CPS1: variants seen among roughly 807,000 people sequenced by gnomAD.
CPS1 encodes the protein carbamoyl-phosphate synthase 1.
Under a neutral mutation model 174.6 loss-of-function variants are expected in CPS1, and 109 were observed. The ratio of observed to expected loss-of-function variants is 0.62; its 90% CI spans 0.53 to 0.73. CPS1 has a LOEUF of 0.73. Among genes scored for constraint, CPS1 ranks in the 30% least tolerant of loss-of-function variants. The pLI, the probability that CPS1 is intolerant of heterozygous loss-of-function variation, is 0.00. For missense variants in CPS1, 1,689 were observed against 1,821.9 expected (o/e 0.93, Z 1.33); for synonymous variants, 637 against 632.0 (o/e 1.01, Z -0.12).
intron 4 of CPS1, among the ~76,000 whole-genome samples, chr2:210,577,765 G>A (rs1697763117): frequency 6.6e-6 from 1 of 151,580 alleles, no homozygotes; most frequent in Non-Finnish European, 1.5e-5. Context: ...TGGGAAGGGA[G>A]GGGTAAGATA....
chr2:210,523,077 A>G (rs1248319168), intron 1 of CPS1, among the ~76,000 whole-genome samples: 1 of 152,020 alleles, frequency 6.6e-6, no homozygotes, highest in East Asian at 1.9e-4. Context: ...CCTGGCCCTA[A>G]CACTAACTAG....
chr2:210,652,319 A>G (rs533540562), intron 28 of CPS1, among the ~76,000 whole-genome samples: 2 of 152,282 alleles, frequency 1.3e-5, no homozygotes, highest in African/African-American at 4.8e-5. Flanking sequence ...TTTTAGTCAT[A>G]TTTTTTATTT....
chr2:210,524,309 C>T (rs1026525968), intron 1 of CPS1, among the ~76,000 whole-genome samples: 19 of 151,874 alleles, frequency 1.3e-4, no homozygotes, highest in Non-Finnish European at 2.8e-4. Flanking sequence ...TGATATCTAG[C>T]TAGTGTAACC....
chr2:210,664,493 C>T (rs4673542), intron 33 of CPS1, among the ~76,000 whole-genome samples: 85,228 of 151,796 alleles, frequency 0.56, 25,606 homozygotes, highest in South Asian at 0.66. Context: ...GCATGCACCA[C>T]CACGCCCGGC....
chr2:210,629,561 CGCCT>C (rs1699800642), intron 21 of CPS1, among the ~76,000 whole-genome samples: 1 of 151,444 alleles, frequency 6.6e-6, no homozygotes, highest in Non-Finnish European at 1.5e-5. Flanking sequence ...GTGATCCGCC[CGCCT>C]CGGCCTCTCA....
intron 1 of CPS1, among the ~76,000 whole-genome samples, chr2:210,527,316 C>T (rs961388137): frequency 6.6e-6 from 1 of 151,852 alleles, no homozygotes; most frequent in South Asian, 2.1e-4. Flanking sequence ...CTGCAGGACT[C>T]CCATAAGATG....
At chr2:210,661,768 T>A (rs1207929739) in intron 32 of CPS1, among the ~76,000 whole-genome samples, 8 of 152,110 alleles carry the variant, frequency 5.3e-5, no homozygotes, top group African/African-American at 1.9e-4. Flanking sequence ...TGAAAAATAT[T>A]TTTTTCCACT....
intron 24 of CPS1, among the ~76,000 whole-genome samples, chr2:210,640,778 A>C (rs1204038946): frequency 6.6e-6 from 1 of 152,226 alleles, no homozygotes; most frequent in Non-Finnish European, 1.5e-5. Flanking sequence ...TTTAGTTTTT[A>C]CAATGAACTA....
intron 21 of CPS1, among the ~76,000 whole-genome samples, chr2:210,629,264 C>A (rs1011469002): frequency 6.6e-6 from 1 of 152,084 alleles, no homozygotes; most frequent in East Asian, 1.9e-4. Context: ...GGACTTAACC[C>A]GTTAATCCAA....
At chr2:210,606,186 C>T (rs1490299395) in intron 17 of CPS1, among the ~76,000 whole-genome samples, 1 of 151,778 alleles carries the variant, frequency 6.6e-6, no homozygotes, top group East Asian at 2.0e-4. Flanking sequence ...GCAGAATTGG[C>T]AAACTTTCAA....
At chr2:210,501,532 C>T (rs1166620621) in intron 1 of CPS1, among the ~76,000 whole-genome samples, 1 of 152,122 alleles carries the variant, frequency 6.6e-6, no homozygotes, top group African/African-American at 2.4e-5. Context: ...ACCAGATACC[C>T]TAAATCATCT....
chr2:210,540,650 T>C (rs1225076306), intron 1 of CPS1, among the ~76,000 whole-genome samples: 4 of 152,152 alleles, frequency 2.6e-5, no homozygotes, highest in Non-Finnish European at 5.9e-5. Context: ...AGTAGGTGTA[T>C]TCCCATTTTG....
intron 21 of CPS1, among the ~76,000 whole-genome samples, chr2:210,626,964 T>C (rs1238680480): frequency 6.6e-6 from 1 of 152,226 alleles, no homozygotes; most frequent in Non-Finnish European, 1.5e-5. Flanking sequence ...TCATACTTTA[T>C]GTCACACCAA....
chr2:210,481,756 G>T (rs1694576360), intron 1 of CPS1, among the ~76,000 whole-genome samples: 1 of 152,372 alleles, frequency 6.6e-6, no homozygotes, highest in South Asian at 2.1e-4. Flanking sequence ...GAGGGCAGGT[G>T]TATAGGTGAG....
At chr2:210,633,020 A>T (rs1699918244) in intron 21 of CPS1, among the ~76,000 whole-genome samples, 1 of 152,208 alleles carries the variant, frequency 6.6e-6, no homozygotes, top group Admixed American at 6.5e-5. Flanking sequence ...AACTAGTGAG[A>T]TTAAAATATG....
chr2:210,512,909 G>GAT (rs1342647086), intron 1 of CPS1, among the ~76,000 whole-genome samples: 6 of 66,880 alleles, frequency 9.0e-5, no homozygotes, highest in South Asian at 5.4e-4. Flanking sequence ...TATATATGGA[G>GAT]ATATATATAT....
intron 1 of CPS1, among the ~76,000 whole-genome samples, chr2:210,497,914 A>ATATATATATATC (rs1553718847): frequency 7.1e-6 from 1 of 141,260 alleles, no homozygotes; most frequent in Non-Finnish European, 1.5e-5. Context: ...ATATATATAT[A>ATATATATATATC]TATATCTCCA....
intron 2 of CPS1, among the ~76,000 whole-genome samples, chr2:210,575,504 C>T (rs963241765): frequency 1.5e-5 from 2 of 129,242 alleles, no homozygotes; most frequent in African/African-American, 6.3e-5. Flanking sequence ...TATACACACA[C>T]GATATGTATA....
At chr2:210,538,675 A>G (rs1696322856) in intron 1 of CPS1, among the ~76,000 whole-genome samples, 1 of 152,134 alleles carries the variant, frequency 6.6e-6, no homozygotes. Flanking sequence ...CAAATTATCC[A>G]AAACATTTGC....
Sources: allele counts gnomAD v4.1 joint callset (sites outside exome capture counted in the v4.1 genomes callset), GRCh38; gene constraint gnomAD v4.1.1; transcripts MANE v1.5; gene names NCBI Gene and HGNC (gene_info 2026-07-23, HGNC 2026-07-21).